Variants in KITLG observed in about 807,000 individuals in gnomAD.
KITLG encodes the protein c-Kit ligand.
A neutral mutation model predicts 34.1 loss-of-function variants in KITLG; 13 were observed. The observed-to-expected ratio is 0.38, with a 90% CI of 0.25 to 0.61. The LOEUF (loss-of-function observed/expected upper bound fraction) is 0.61, where lower values mean the gene tolerates loss of function less well. KITLG is among the 20% of genes least tolerant of loss of function. The pLI is 0.60. For missense variants in KITLG, 292 were observed against 318.9 expected (o/e 0.92, Z 0.64); for synonymous variants, 110 against 104.0 (o/e 1.06, Z -0.35).
At chr12:88,550,649 G>C (rs1453446919) in intron 1 of KITLG, among the ~76,000 whole-genome samples, 2 of 152,172 alleles carry the variant, frequency 1.3e-5, no homozygotes, top group African/African-American at 4.8e-5. Context: ...CTTCTGAGTG[G>C]TGAAATCAGT....
At chr12:88,501,748 A>C (rs1186849010) in intron 9 of KITLG, among the ~76,000 whole-genome samples, 1 of 152,152 alleles carries the variant, frequency 6.6e-6, no homozygotes, top group East Asian at 1.9e-4. Context: ...GTACTCATAG[A>C]CACATACAAG....
chr12:88,527,891 T>C (rs1338795630), intron 3 of KITLG, among the ~76,000 whole-genome samples: 1 of 152,186 alleles, frequency 6.6e-6, no homozygotes, highest in Non-Finnish European at 1.5e-5. Flanking sequence ...AGGGGAGGAC[T>C]GTCTCATTCA....
intron 3 of KITLG, among the ~76,000 whole-genome samples, chr12:88,525,034 C>T (rs71454126): frequency 1.3e-5 from 2 of 152,126 alleles, no homozygotes; most frequent in Admixed American, 6.6e-5. Context: ...GAACGTTCCT[C>T]CCCAAAATTG....
At chr12:88,526,063 G>A (rs1466863844) in intron 3 of KITLG, among the ~76,000 whole-genome samples, 1 of 152,198 alleles carries the variant, frequency 6.6e-6, no homozygotes, top group Non-Finnish European at 1.5e-5. Flanking sequence ...GATGCATGTG[G>A]CTGAGGTGGC....
intron 9 of KITLG, 47 bp from the exon 10 acceptor site, chr12:88,497,228 G>A: frequency 2.7e-6 from 1 of 372,586 alleles, no homozygotes; most frequent in Non-Finnish European, 5.4e-6. Context: ...TCTGCCTTCT[G>A]CCTTTTTAAA....
intron 1 of KITLG, among the ~76,000 whole-genome samples, chr12:88,572,808 G>A (rs1360134114): frequency 6.6e-6 from 1 of 151,742 alleles, no homozygotes; most frequent in Non-Finnish European, 1.5e-5. Context: ...GGACCACCTG[G>A]AAGTAGAAAG....
At chr12:88,512,412 C>T (rs1869309510) in intron 6 of KITLG, among the ~76,000 whole-genome samples, 1 of 151,950 alleles carries the variant, frequency 6.6e-6, no homozygotes, top group Non-Finnish European at 1.5e-5. Flanking sequence ...GACACACTAG[C>T]AATCTGCTAA....
At chr12:88,497,647 G>A (rs986816219) in intron 9 of KITLG, among the ~76,000 whole-genome samples, 1 of 152,162 alleles carries the variant, frequency 6.6e-6, no homozygotes, top group Non-Finnish European at 1.5e-5. Flanking sequence ...ATAAAAGGTA[G>A]TAAACAGGGG....
At chr12:88,545,192 G>C (rs1278802497) in intron 2 of KITLG, among the ~76,000 whole-genome samples, 1 of 152,154 alleles carries the variant, frequency 6.6e-6, no homozygotes, top group African/African-American at 2.4e-5. Context: ...CTTTCGCTGA[G>C]GGAAGAGTTC....
At chr12:88,554,044 C>G (rs969391435) in intron 1 of KITLG, among the ~76,000 whole-genome samples, 1 of 152,192 alleles carries the variant, frequency 6.6e-6, no homozygotes, top group African/African-American at 2.4e-5. Flanking sequence ...CTCCTGAACA[C>G]AGAGCTTTCC....
At chr12:88,560,710 C>T (rs1299940111) in intron 1 of KITLG, among the ~76,000 whole-genome samples, 1 of 152,172 alleles carries the variant, frequency 6.6e-6, no homozygotes, top group Non-Finnish European at 1.5e-5. Flanking sequence ...TGGCTCACGC[C>T]TGTAATCCCA....
At chr12:88,540,283 T>A (rs1870473859) in intron 2 of KITLG, among the ~76,000 whole-genome samples, 1 of 152,148 alleles carries the variant, frequency 6.6e-6, no homozygotes, top group Admixed American at 6.6e-5. Flanking sequence ...AATTATGAAC[T>A]GCATTACTGT....
chr12:88,565,007 T>G (rs1871399630), intron 1 of KITLG, among the ~76,000 whole-genome samples: 1 of 152,186 alleles, frequency 6.6e-6, no homozygotes, highest in African/African-American at 2.4e-5. Flanking sequence ...TCCTCCACGC[T>G]TAATCTCTGA....
At chr12:88,571,863 G>A (rs1490626288) in intron 1 of KITLG, among the ~76,000 whole-genome samples, 1 of 152,148 alleles carries the variant, frequency 6.6e-6, no homozygotes, top group Non-Finnish European at 1.5e-5. Flanking sequence ...GTTAATGCCA[G>A]CTGAGTCTCT....
chr12:88,524,991 G>A (rs886623755), intron 3 of KITLG, among the ~76,000 whole-genome samples: 3 of 152,104 alleles, frequency 2.0e-5, no homozygotes, highest in Non-Finnish European at 4.4e-5. Flanking sequence ...TTGGTTGGAT[G>A]ATGGTAGACA....
chr12:88,541,237 C>T (rs148905329), intron 2 of KITLG, among the ~76,000 whole-genome samples: 1 of 152,082 alleles, frequency 6.6e-6, no homozygotes, highest in East Asian at 1.9e-4. Context: ...GTGCCTATCA[C>T]AAGACCAGGA....
chr12:88,571,586 C>A (rs1018927744), intron 1 of KITLG, among the ~76,000 whole-genome samples: 8 of 151,960 alleles, frequency 5.3e-5, no homozygotes, highest in African/African-American at 1.9e-4. Flanking sequence ...AAAATTTTGC[C>A]ATTAGAAAAA....
chr12:88,525,407 A>G (rs1024561858), intron 3 of KITLG, among the ~76,000 whole-genome samples: 3 of 152,206 alleles, frequency 2.0e-5, no homozygotes, highest in Admixed American at 6.5e-5. Flanking sequence ...CCAAGAGTTA[A>G]ATGTTTATTC....
chr12:88,522,355 C>G (rs769209645), intron 3 of KITLG, among the ~76,000 whole-genome samples: 1 of 151,534 alleles, frequency 6.6e-6, no homozygotes, highest in East Asian at 1.9e-4. Context: ...CTGCCTCATT[C>G]AAGAAACTGT....
Sources: gnomAD v4.1 joint callset for allele counts (sites outside exome capture counted in the v4.1 genomes callset) on GRCh38, gnomAD v4.1.1 for gene constraint, MANE v1.5 for transcripts, NCBI Gene and HGNC (gene_info 2026-07-23, HGNC 2026-07-21) for gene names.